The following NFATC1 variants were observed in gnomAD, a reference collection of about 807,000 sequenced individuals.
NFATC1 encodes nuclear factor of activated T cells 1, also known as nuclear factor of activated T-cells, cytoplasmic 1.
In NFATC1, 22 loss-of-function variants were observed where a neutral mutation model predicts 76.0. That is an observed-to-expected ratio of 0.29 (90% CI 0.21 to 0.41). The LOEUF (loss-of-function observed/expected upper bound fraction) is 0.41. Among genes scored for constraint, NFATC1 ranks in the 10% least tolerant of loss-of-function variants. NFATC1 has a pLI of 1.00. For missense variants in NFATC1, 1,357 were observed against 1,337.7 expected, an observed-to-expected ratio of 1.01 and a Z score of -0.23; for synonymous variants, 704 against 613.1, an observed-to-expected ratio of 1.15 and a Z score of -2.19.
At chr18:79,405,483 GA>G (rs1394079388) in intron 1 of NFATC1, among the ~76,000 whole-genome samples, 1 of 152,238 alleles carries the variant, frequency 6.6e-6, no homozygotes, top group Non-Finnish European at 1.5e-5. Context: ...AAATAACTCA[GA>G]TTTGAATACG....
chr18:79,434,759 G>A (rs1218817391), intron 3 of NFATC1, among the ~76,000 whole-genome samples: 1 of 152,260 alleles, frequency 6.6e-6, no homozygotes, highest in East Asian at 1.9e-4. Flanking sequence ...AGAGAAGGTG[G>A]CCGCAGGGAC....
intron 2 of NFATC1, among the ~76,000 whole-genome samples, chr18:79,413,586 T>A (rs551599834): frequency 6.6e-6 from 1 of 152,296 alleles, no homozygotes; most frequent in South Asian, 2.1e-4. Flanking sequence ...AGACCCTCTC[T>A]CCAGACACAG....
chr18:79,528,277 T>C lies in NFATC1; in HGVS notation c.*700T>C, dbSNP rs1220859925. On this transcript the variant is annotated 3_prime_UTR_variant, in exon 10 of 10. Coordinates refer to ENST00000427363, the MANE Select transcript of NFATC1 (RefSeq NM_001278669.2). ...TCGCATCTTTGTTTTTAATCTGGCT[T>C]CGAACATAGCACAAGTAACTTGAAT... The C allele has an allele frequency of 4.6e-6, 1 of 217,966 alleles. No individual in the cohort carries two copies. Among genetic ancestry groups the C allele is most frequent in the Non-Finnish European group, 8.9e-6 (1 of 111,848 alleles). 13.5% of individuals were successfully genotyped at this position (217,966 alleles called of 1,614,324 possible). A position where few individuals can be genotyped will look rare whatever the true frequency, so the allele number is the denominator to read the frequency against.
intron 8 of NFATC1, among the ~76,000 whole-genome samples, chr18:79,480,055 C>A (rs1366168931): frequency 4.6e-5 from 7 of 152,244 alleles, no homozygotes; most frequent in Admixed American, 4.6e-4. Context: ...CCCAGGCCAC[C>A]TTCCAAGCAC....
At chr18:79,400,460 C>T in intron 1 of NFATC1, 9 of 1,488,420 alleles carry the variant, frequency 6.0e-6, no homozygotes, top group African/African-American at 1.5e-5. Flanking sequence ...GCGACGAGGG[C>T]GCCGCCGCGG....
At chr18:79,473,995 C>CGT (rs113722082) in intron 8 of NFATC1, among the ~76,000 whole-genome samples, 43,327 of 122,268 alleles carry the variant, frequency 0.35, 9,262 homozygotes, top group African/African-American at 0.6. Context: ...GCGAGGGAAG[C>CGT]GTTTTCACAC....
chr18:79,469,887 A>G, intron 8 of NFATC1: 1 of 985,454 alleles, frequency 1.0e-6, no homozygotes, highest in Non-Finnish European at 1.2e-6. Context: ...CGCAACCTGC[A>G]CCAGACTGTG....
At chr18:79,491,761 C>T (rs1299732320) in intron 9 of NFATC1, among the ~76,000 whole-genome samples, 8 of 152,168 alleles carry the variant, frequency 5.3e-5, no homozygotes, top group Admixed American at 2.6e-4. Flanking sequence ...AGTGGTGGAT[C>T]GCAGAGCTGC....
intron 2 of NFATC1, among the ~76,000 whole-genome samples, chr18:79,423,487 G>A (rs951395766): frequency 2.6e-5 from 4 of 152,224 alleles, no homozygotes; most frequent in African/African-American, 9.6e-5. Context: ...GGACAGATGG[G>A]GACAGCAGAT....
At chr18:79,424,966 C>CCT in intron 2 of NFATC1, among the ~76,000 whole-genome samples, 1 of 90,180 alleles carries the variant, frequency 1.1e-5, no homozygotes, top group South Asian at 3.6e-4. Context: ...TCTGTCTCTC[C>CCT]GTCTCTGTCT....
At position 79,411,148 on chromosome 18, in the gene NFATC1, G is replaced by A. The variant is rs765406678; in HGVS notation, c.873G>A (p.Pro291=). The change falls in exon 2 of 10, where the codon CCG becomes CCA. Residue 291 remains proline (P), a synonymous_variant. Transcript: ENST00000427363. ...CCACGCCGTCCCCGCACGGCTCCCC[G>A]CGGGTCAGCGTGACCGACGACTCGT... ...HSPTPSPHGS[P]RVSVTDDSWL... 2.9e-5 allele frequency: 46 copies of A among 1,612,242 alleles called. No homozygotes were observed. Among genetic ancestry groups the A allele is most frequent in the Admixed American group, 2.5e-4 (15 of 59,990 alleles).
intron 9 of NFATC1, among the ~76,000 whole-genome samples, chr18:79,512,053 G>C (rs2090266746): frequency 6.6e-6 from 1 of 152,144 alleles, no homozygotes; most frequent in South Asian, 2.1e-4. Flanking sequence ...CCCGGCAATG[G>C]CTCCTTGTCT....
At chr18:79,442,303 C>T (rs2087009159) in intron 3 of NFATC1, among the ~76,000 whole-genome samples, 2 of 152,252 alleles carry the variant, frequency 1.3e-5, no homozygotes, top group Admixed American at 1.3e-4. Flanking sequence ...TCCTCCCCAC[C>T]TCTGTCCACC....
At chr18:79,522,396 G>A (rs11663136) in intron 9 of NFATC1, among the ~76,000 whole-genome samples, 7 of 75,574 alleles carry the variant, frequency 9.3e-5, no homozygotes, top group East Asian at 4.5e-4. Flanking sequence ...GTGCGTCCAC[G>A]GATTGTGTCT....
intron 9 of NFATC1, among the ~76,000 whole-genome samples, chr18:79,491,665 C>T (rs886432785): frequency 2.0e-5 from 3 of 152,232 alleles, no homozygotes; most frequent in Non-Finnish European, 4.4e-5. Flanking sequence ...TTCCCTTCTG[C>T]GTTCCGCTGG....
Position 79,442,926 on chromosome 18 carries a change from G to A in NFATC1, c.1387-5856G>A, listed in dbSNP as rs575214503. Reference sequence around the variant, plus strand: ...TGTGTTTGGAAGGGGACACACCAGAGCTTCCCTTGTAGCAAGTGAGGCACG... The same window carrying A: ...TGTGTTTGGAAGGGGACACACCAGAACTTCCCTTGTAGCAAGTGAGGCACG... On this transcript the variant is annotated intron_variant, in intron 3 of 9. Transcript: ENST00000427363. Among the ~76,000 whole-genome samples the A allele has an allele frequency of 2.6e-5, 4 of 152,286 alleles. No individual in the cohort carries two copies. The South Asian group carries it at 8.3e-4, about 32-fold the overall frequency.
Position 79,461,288 on chromosome 18 carries a change from C to T in NFATC1, c.1904-23C>T, listed in dbSNP as rs200565490. The T allele has an allele frequency of 2.6e-5, 42 of 1,613,706 alleles. No homozygotes were observed. In the Middle Eastern group the frequency reaches 6.6e-4, roughly 25 times the overall value. On this transcript the variant is annotated intron_variant, in intron 6 of 9. Coordinates refer to ENST00000427363, the MANE Select transcript of NFATC1 (RefSeq NM_001278669.2). ...GCTCCCCACCACACAGAGTCACAGA[C>T]GTTTCCTGCTCCTTTCTTCCAGATG...
intron 2 of NFATC1, among the ~76,000 whole-genome samples, chr18:79,419,597 C>T (rs963134184): frequency 9.9e-5 from 15 of 152,202 alleles, no homozygotes; most frequent in African/African-American, 3.4e-4. Flanking sequence ...CAGATGCCCC[C>T]GTGGAGACAG....
chr18:79,426,560 A>G (rs1189376242), intron 2 of NFATC1, among the ~76,000 whole-genome samples: 2 of 148,388 alleles, frequency 1.3e-5, no homozygotes, highest in African/African-American at 2.6e-5. Context: ...CACACTCGGC[A>G]GTTCTGGGCC....
Sources: allele counts gnomAD v4.1 joint callset (sites outside exome capture counted in the v4.1 genomes callset), GRCh38; gene constraint gnomAD v4.1.1; transcripts MANE v1.5; gene names NCBI Gene and HGNC (gene_info 2026-07-23, HGNC 2026-07-21).